CD163L1: variants seen among roughly 807,000 people sequenced by gnomAD.
The protein encoded by CD163L1 is CD163 molecule like 1.
In CD163L1, 124 loss-of-function variants were observed where a neutral mutation model predicts 165.4. The observed-to-expected ratio is 0.75, with a 90% CI of 0.65 to 0.87. The LOEUF (loss-of-function observed/expected upper bound fraction) is 0.87, where lower values mean the gene tolerates loss of function less well. Ranked by LOEUF, CD163L1 falls within the 40% of genes least tolerant of loss-of-function variation. The pLI is 0.00. For missense variants in CD163L1, 1,525 were observed against 1,799.9 expected, an observed-to-expected ratio of 0.85 and a Z score of 2.76; for synonymous variants, 585 against 662.2, an observed-to-expected ratio of 0.88 and a Z score of 1.79.
chr12:7,407,257 A>G (rs1453377612), intron 4 of CD163L1, among the ~76,000 whole-genome samples: 1 of 152,160 alleles, frequency 6.6e-6, no homozygotes, highest in Admixed American at 6.5e-5. Flanking sequence ...ATAAGATATC[A>G]TTGTCATCAC....
At chr12:7,349,363 ATAAC>A (rs1946692572) in intron 4 of CD163L1, among the ~76,000 whole-genome samples, 1 of 152,198 alleles carries the variant, frequency 6.6e-6, no homozygotes, top group African/African-American at 2.4e-5. Flanking sequence ...GGAAATATAA[ATAAC>A]TAATGGAAAC....
chr12:7,337,572 A>T, the CD163L1 span, among the ~76,000 whole-genome samples: 74 of 152,192 alleles, frequency 4.9e-4, 1 homozygote, highest in Middle Eastern at 0.01. Flanking sequence ...CCAAAAAAAG[A>T]TCATCACTGG....
At chr12:7,324,864 A>T in the CD163L1 span, among the ~76,000 whole-genome samples, 2 of 152,022 alleles carry the variant, frequency 1.3e-5, no homozygotes, top group East Asian at 3.9e-4. Context: ...GGCTCATATA[A>T]GTGACAAGTA....
At chr12:7,334,186 A>G in the CD163L1 span, among the ~76,000 whole-genome samples, 1 of 152,068 alleles carries the variant, frequency 6.6e-6, no homozygotes, top group African/African-American at 2.4e-5. Context: ...AGACACAACC[A>G]AAAAAGAGAA....
chr12:7,334,479 T>C, the CD163L1 span, among the ~76,000 whole-genome samples: 2 of 152,194 alleles, frequency 1.3e-5, no homozygotes, highest in South Asian at 2.1e-4. Context: ...TAGGTACTGA[T>C]GGGATGTATC....
chr12:7,341,880 A>G (rs11052000), downstream of CD163L1, among the ~76,000 whole-genome samples: 1,147 of 152,288 alleles, frequency 7.5e-3, 14 homozygotes, highest in African/African-American at 0.026. Flanking sequence ...ATCGATGTTT[A>G]TATTGAAAAA....
chr12:7,428,735 G>A lies in CD163L1; in HGVS notation c.766+3681C>T, dbSNP rs74872604. Among the ~76,000 whole-genome samples, 576 of 152,030 alleles carry A rather than the reference G, an allele frequency of 3.8e-3. 30 individuals are homozygous for A. The East Asian group carries it at 0.07, about 19-fold the overall frequency. On this transcript the variant is annotated intron_variant, in intron 4 of 19. Transcript: ENST00000313599. The stretch of plus-strand genomic sequence containing the variant: ...TTGCTTTCAACTGGCTGTAATTTTG[G>A]CAAGAATTTGATACTCTATTTTGCA...
intron 6 of CD163L1, among the ~76,000 whole-genome samples, chr12:7,403,043 C>A (rs1352321508): frequency 6.6e-6 from 1 of 151,884 alleles, no homozygotes; most frequent in Non-Finnish European, 1.5e-5. Flanking sequence ...GTTTTCAATT[C>A]TACTAATGAC....
At chr12:7,375,059 A>G in intron 11 of CD163L1, 136 bp from the exon 12 acceptor site, 21 of 899,144 alleles carry the variant, frequency 2.3e-5, no homozygotes, top group Non-Finnish European at 3.5e-5. Flanking sequence ...AATCATTTTT[A>G]TTAATGATGT....
At chr12:7,371,411 T>G (rs948949917) in intron 14 of CD163L1, among the ~76,000 whole-genome samples, 4 of 152,120 alleles carry the variant, frequency 2.6e-5, no homozygotes, top group African/African-American at 7.2e-5. Flanking sequence ...TTAAAGATCA[T>G]AAAAGCTGGC....
chr12:7,429,088 T>C (rs923347022), intron 4 of CD163L1, among the ~76,000 whole-genome samples: 10 of 152,028 alleles, frequency 6.6e-5, no homozygotes, highest in African/African-American at 2.2e-4. Context: ...AAGAAAAAAC[T>C]ATGTAAAATA....
At position 7,373,379 on chromosome 12, in the gene CD163L1, G is replaced by A; in HGVS notation, c.3671C>T (p.Ser1224Phe). 1 of 1,614,194 alleles carries A rather than the reference G, an allele frequency of 6.2e-7. No individual in the cohort carries two copies. The highest frequency in any genetic ancestry group is 8.5e-7 in the Non-Finnish European group (1 of 1,180,014). ...KTHISIWQCL[S>F]APWERRISSP... ...GGAGATTCTTCGCTCCCATGGGGCA[G>A]ACAGGCACTGCCATATGGAGATATG... The change falls in exon 14 of 20, where the codon TCT (serine) becomes TTT (phenylalanine). Residue 1224 changes from serine (S) to phenylalanine (F), a missense_variant. Coordinates refer to ENST00000313599, the MANE Select transcript of CD163L1 (RefSeq NM_174941.6).
chr12:7,348,730 T>C (rs1015817673), intron 4 of CD163L1, among the ~76,000 whole-genome samples: 5 of 151,944 alleles, frequency 3.3e-5, no homozygotes, highest in African/African-American at 1.2e-4. Flanking sequence ...GCTTTACATA[T>C]AGTACATAGT....
chr12:7,431,751 T>G (rs1342505178), intron 4 of CD163L1, among the ~76,000 whole-genome samples: 1 of 150,868 alleles, frequency 6.6e-6, no homozygotes, highest in Admixed American at 6.6e-5. Flanking sequence ...GAACTTAAAG[T>G]ATAAAAAAAA....
In CD163L1 at chr12:7,373,364, C is replaced by T. The variant is rs781765194; in HGVS notation, c.3686G>A (p.Arg1229Gln). ...IWQCLSAPWE[R>Q]RISSPAEETW... ...CTCTTCTGCTGGGCTGGAGATTCTT[C>T]GCTCCCATGGGGCAGACAGGCACTG... Residue 1229 changes from arginine (R) to glutamine (Q), a missense_variant, in exon 14 of 20, where the codon CGA becomes CAA. By Grantham distance (43) the Arg-to-Gln change is conservative (BLOSUM62 1). Transcript: ENST00000313599. 12 of 1,613,830 alleles carry T rather than the reference C, an allele frequency of 7.4e-6. No homozygotes were observed. The highest frequency in any genetic ancestry group is 2.7e-5 in the African/African-American group (2 of 75,036).
chr12:7,417,136 C>G (rs1262147297), intron 4 of CD163L1, among the ~76,000 whole-genome samples: 2 of 152,086 alleles, frequency 1.3e-5, no homozygotes, highest in East Asian at 1.9e-4. Context: ...CTTCATGTCC[C>G]TTGTAAGTTG....
intron 7 of CD163L1, among the ~76,000 whole-genome samples, chr12:7,396,750 G>A (rs1357598982): frequency 1.3e-5 from 2 of 152,012 alleles, no homozygotes; most frequent in Non-Finnish European, 2.9e-5. Context: ...CTCCTCTTCA[G>A]ATTTTGGACT....
intron 4 of CD163L1, among the ~76,000 whole-genome samples, chr12:7,349,188 T>G (rs1290444688): frequency 6.6e-6 from 1 of 152,234 alleles, no homozygotes; most frequent in East Asian, 1.9e-4. Flanking sequence ...AATTACTTTC[T>G]TATCTTTAAT....
downstream of CD163L1, among the ~76,000 whole-genome samples, chr12:7,350,446 C>A (rs769560288): frequency 1.1e-4 from 16 of 152,242 alleles, no homozygotes; most frequent in African/African-American, 3.8e-4. Context: ...CTTACAGTTA[C>A]GTGGTTGGTT....
Sources: gnomAD v4.1 joint callset for allele counts (sites outside exome capture counted in the v4.1 genomes callset) on GRCh38, gnomAD v4.1.1 for gene constraint, MANE v1.5 for transcripts, NCBI Gene and HGNC (gene_info 2026-07-23, HGNC 2026-07-21) for gene names.